Variants in RXFP1 observed in about 807,000 individuals in gnomAD.
RXFP1 encodes the protein relaxin receptor 1.
RXFP1 carries 73 observed loss-of-function variants against 89.8 expected under a neutral mutation model. The ratio of observed to expected loss-of-function variants is 0.81; its 90% confidence interval spans 0.67 to 0.99. The LOEUF (loss-of-function observed/expected upper bound fraction) is 0.99, where lower values mean the gene tolerates loss of function less well. RXFP1 is among the 50% of genes least tolerant of loss of function. The pLI, the probability that RXFP1 is intolerant of heterozygous loss-of-function variation, is 0.00. For synonymous variants in RXFP1, 277 were observed against 305.5 expected (o/e 0.91, Z 0.97); for missense variants, 793 against 895.5 (o/e 0.89, Z 1.46).
rs370081095 is a variant in RXFP1, at chr4:158,525,225, G to C, written c.49+3200G>C. On this transcript the variant is annotated intron_variant, in intron 1 of 17. Transcript: ENST00000307765. ...GTCCCACCTTATACTTTGGCGGGGG[G>C]GGGTTGGGTTTTTTTTTTAATTTGT... 8.7e-3 allele frequency among the ~76,000 whole-genome samples: 1,324 copies of C among 151,594 alleles called. 16 individuals carry two copies. Among genetic ancestry groups the C allele is most frequent in the African/African-American group, 0.03 (1,224 of 41,438 alleles).
chr4:158,536,446 A>G (rs928576656), intron 1 of RXFP1, among the ~76,000 whole-genome samples: 3 of 152,204 alleles, frequency 2.0e-5, no homozygotes, highest in African/African-American at 7.2e-5. Context: ...TCAATCAGAG[A>G]TAACTTCAAT....
rs888876577 is a variant in RXFP1, at chr4:158,541,417, G to C, written c.49+19392G>C. ...GTAATTTCATATTTACTCAAAAACT[G>C]TATGAGTATATGCCCAAATTCTAGG... On this transcript the variant is annotated intron_variant, in intron 1 of 17. Coordinates refer to ENST00000307765, the MANE Select transcript of RXFP1 (RefSeq NM_021634.4). Among the ~76,000 whole-genome samples the C allele has an allele frequency of 5.4e-5, 8 of 147,568 alleles. No homozygotes were observed. The Admixed American group carries it at 5.4e-4, about 10-fold the overall frequency.
At chr4:158,628,582 G>A (rs1259302151) in intron 10 of RXFP1, 56 bp from the exon 11 acceptor site, 1 of 816,324 alleles carries the variant, frequency 1.2e-6, no homozygotes, top group Non-Finnish European at 2.1e-6. Context: ...CCTCTCTTTA[G>A]TAATTCTTGT....
chr4:158,523,564 A>G (rs554547703), intron 1 of RXFP1, among the ~76,000 whole-genome samples: 4 of 152,306 alleles, frequency 2.6e-5, no homozygotes, highest in African/African-American at 9.6e-5. Flanking sequence ...TTTGATTCAA[A>G]AGAAAATTTG....
At chr4:158,559,046 G>A (rs533953248) in intron 1 of RXFP1, among the ~76,000 whole-genome samples, 1 of 152,340 alleles carries the variant, frequency 6.6e-6, no homozygotes, top group South Asian at 2.1e-4. Context: ...GGTTGCATAA[G>A]TTAAAATGTT....
At chr4:158,558,775 G>C (rs1210950909) in intron 1 of RXFP1, among the ~76,000 whole-genome samples, 1 of 152,058 alleles carries the variant, frequency 6.6e-6, no homozygotes, top group African/African-American at 2.4e-5. Context: ...AATAGCTTTT[G>C]GGTACAGAAA....
chr4:158,561,934 T>A (rs1041783967), intron 1 of RXFP1, among the ~76,000 whole-genome samples: 5 of 152,186 alleles, frequency 3.3e-5, no homozygotes, highest in Non-Finnish European at 5.9e-5. Flanking sequence ...GGCCTCAACC[T>A]GTATTTTAAA....
intron 12 of RXFP1, among the ~76,000 whole-genome samples, chr4:158,637,688 T>A (rs1769468684): frequency 6.6e-6 from 1 of 152,200 alleles, no homozygotes; most frequent in Non-Finnish European, 1.5e-5. Context: ...ACAGGTTGTC[T>A]CCTCACTCTG....
At chr4:158,559,797 G>A (rs2149932095) in intron 1 of RXFP1, among the ~76,000 whole-genome samples, 1 of 152,248 alleles carries the variant, frequency 6.6e-6, no homozygotes, top group South Asian at 2.1e-4. Flanking sequence ...TTTCTGTTAA[G>A]TACTTCTGAC....
intron 4 of RXFP1, among the ~76,000 whole-genome samples, chr4:158,602,689 C>T (rs1031994729): frequency 2.6e-5 from 4 of 151,964 alleles, no homozygotes; most frequent in Non-Finnish European, 5.9e-5. Context: ...TTCTTAAAGG[C>T]AGGTATCCAA....
intron 3 of RXFP1, among the ~76,000 whole-genome samples, chr4:158,598,656 G>A (rs758974059): frequency 6.6e-6 from 1 of 151,910 alleles, no homozygotes; most frequent in Non-Finnish European, 1.5e-5. Flanking sequence ...CCACAAGATG[G>A]CCAAGGTCAT....
chr4:158,544,357 G>A (rs1356905502), intron 1 of RXFP1: 6 of 985,072 alleles, frequency 6.1e-6, no homozygotes, highest in Non-Finnish European at 7.2e-6. Flanking sequence ...TGCACTGAAG[G>A]ATTTCAAAAG....
intron 9 of RXFP1, among the ~76,000 whole-genome samples, chr4:158,626,173 T>C (rs917540503): frequency 8.9e-5 from 13 of 145,992 alleles, no homozygotes; most frequent in African/African-American, 3.2e-4. Context: ...GATAGATAGA[T>C]AGATGTAGAG....
chr4:158,575,695 T>C (rs1756043326), intron 2 of RXFP1, among the ~76,000 whole-genome samples: 1 of 152,208 alleles, frequency 6.6e-6, no homozygotes, highest in South Asian at 2.1e-4. Flanking sequence ...AGCACCTTGA[T>C]CTTGGACCTC....
chr4:158,647,874 G>A (rs1447686258), intron 16 of RXFP1, among the ~76,000 whole-genome samples: 1 of 152,060 alleles, frequency 6.6e-6, no homozygotes, highest in African/African-American at 2.4e-5. Flanking sequence ...AAATTAGCCG[G>A]GCATGGTGGC....
chr4:158,591,153 A>G (rs1174010622), intron 2 of RXFP1, among the ~76,000 whole-genome samples: 1 of 152,186 alleles, frequency 6.6e-6, no homozygotes, highest in Non-Finnish European at 1.5e-5. Context: ...TGGAAAACAT[A>G]TATTTAAGTT....
chr4:158,637,751 C>T (rs1213177001), intron 12 of RXFP1, among the ~76,000 whole-genome samples: 6 of 152,044 alleles, frequency 3.9e-5, no homozygotes, highest in Non-Finnish European at 8.8e-5. Flanking sequence ...TAATCCCATT[C>T]ATCTATTTCA....
intron 9 of RXFP1, among the ~76,000 whole-genome samples, chr4:158,621,087 G>A (rs1337255569): frequency 2.0e-5 from 3 of 152,056 alleles, no homozygotes; most frequent in Non-Finnish European, 1.5e-5. Context: ...GCAGTGAGCT[G>A]AGATCACACC....
In RXFP1 at chr4:158,645,264, C is replaced by A. The variant is rs577319941; in HGVS notation, c.1345+126C>A. 2.2e-5 allele frequency: 15 copies of A among 670,094 alleles called. No homozygotes were observed. The African/African-American group carries it at 2.7e-4, about 12-fold the overall frequency. The allele number at this position is 670,094 out of a possible 1,614,324, so 41.5% of individuals were successfully genotyped here. Reference sequence around the variant, plus strand: ...CATTTTTCTCCTTTTTGCTTGTATGCTGTTTTCACATTTTCTACAAAGAAA... The same window carrying A: ...CATTTTTCTCCTTTTTGCTTGTATGATGTTTTCACATTTTCTACAAAGAAA... On this transcript the variant is annotated intron_variant, in intron 15 of 17. Transcript: ENST00000307765.
Sources: gnomAD v4.1 joint callset for allele counts (sites outside exome capture counted in the v4.1 genomes callset) on GRCh38, gnomAD v4.1.1 for gene constraint, MANE v1.5 for transcripts, NCBI Gene and HGNC (gene_info 2026-07-23, HGNC 2026-07-21) for gene names.